The following TMEM132D variants were observed in gnomAD, a reference collection of about 807,000 sequenced individuals.
The protein encoded by TMEM132D is mature OL transmembrane protein.
A neutral mutation model predicts 62.3 loss-of-function variants in TMEM132D; 21 were observed. That is an observed-to-expected ratio of 0.34 (90% CI 0.24 to 0.49). TMEM132D has a LOEUF of 0.49. Ranked by LOEUF, TMEM132D falls within the 20% of genes least tolerant of loss-of-function variation. TMEM132D has a pLI of 0.99. For missense variants in TMEM132D, 1,346 were observed against 1,402.8 expected (o/e 0.96, Z 0.65); for synonymous variants, 621 against 575.6 (o/e 1.08, Z -1.13).
intron 1 of TMEM132D, among the ~76,000 whole-genome samples, chr12:129,732,703 C>G (rs1869289400): frequency 6.6e-6 from 1 of 152,272 alleles, no homozygotes; most frequent in East Asian, 1.9e-4. Context: ...GAACCATGAG[C>G]CAATTAAACC....
intron 2 of TMEM132D, among the ~76,000 whole-genome samples, chr12:129,660,769 T>A (rs567579269): frequency 1.1e-4 from 16 of 152,142 alleles, no homozygotes; most frequent in Middle Eastern, 3.4e-3. Flanking sequence ...GTGCCTGGTA[T>A]TGGGAAGAGG....
chr12:129,648,640 G>A (rs1386093467), intron 2 of TMEM132D, among the ~76,000 whole-genome samples: 4 of 152,138 alleles, frequency 2.6e-5, no homozygotes, highest in African/African-American at 9.7e-5. Flanking sequence ...ATGAATAATT[G>A]TTTCACTCTT....
intron 5 of TMEM132D, among the ~76,000 whole-genome samples, chr12:129,087,661 G>A (rs1874662333): frequency 6.6e-6 from 1 of 152,190 alleles, no homozygotes; most frequent in Admixed American, 6.5e-5. Context: ...AGCCTCTGGA[G>A]GGAGGACAGG....
At chr12:129,699,530 T>C (rs560172537) in intron 2 of TMEM132D, among the ~76,000 whole-genome samples, 1 of 152,320 alleles carries the variant, frequency 6.6e-6, no homozygotes, top group Admixed American at 6.5e-5. Context: ...AACTTGCTGA[T>C]AATACCCTAA....
At chr12:129,673,030 G>A (rs1412666709) in intron 2 of TMEM132D, among the ~76,000 whole-genome samples, 1 of 152,228 alleles carries the variant, frequency 6.6e-6, no homozygotes, top group Non-Finnish European at 1.5e-5. Flanking sequence ...TTACAGGCAT[G>A]AGGCACCACA....
At chr12:129,509,516 T>C (rs1593043468) in intron 3 of TMEM132D, among the ~76,000 whole-genome samples, 1 of 152,184 alleles carries the variant, frequency 6.6e-6, no homozygotes, top group African/African-American at 2.4e-5. Context: ...AATGTACAGA[T>C]AAGTTATTAC....
At chr12:129,424,060 A>AT (rs1225854596) in intron 3 of TMEM132D, among the ~76,000 whole-genome samples, 1 of 152,164 alleles carries the variant, frequency 6.6e-6, no homozygotes, top group Non-Finnish European at 1.5e-5. Context: ...TAAGTACTAC[A>AT]TTTTTTGATA....
At chr12:129,499,587 C>T (rs139734590) in intron 3 of TMEM132D, among the ~76,000 whole-genome samples, 71 of 152,274 alleles carry the variant, frequency 4.7e-4, no homozygotes, top group African/African-American at 1.6e-3. Context: ...AGTGGAGTCC[C>T]AGTGTGAGAT....
intron 2 of TMEM132D, among the ~76,000 whole-genome samples, chr12:129,586,250 TTA>T (rs529400785): frequency 5.6e-4 from 84 of 150,550 alleles, no homozygotes; most frequent in African/African-American, 2.0e-3. Flanking sequence ...GCCTTAGACC[TTA>T]TAGTCACGAC....
intron 1 of TMEM132D, among the ~76,000 whole-genome samples, chr12:129,740,760 C>T (rs1869575732): frequency 6.6e-6 from 1 of 152,012 alleles, no homozygotes. Flanking sequence ...CACTTCAAAA[C>T]CAATCCAGTT....
chr12:129,760,050 GT>G (rs1870301796), intron 1 of TMEM132D, among the ~76,000 whole-genome samples: 1 of 152,068 alleles, frequency 6.6e-6, no homozygotes, highest in Non-Finnish European at 1.5e-5. Context: ...GGCGACAGGT[GT>G]TTGCCATCAC....
rs1874480562 is a variant in TMEM132D at position 129,877,922 on chromosome 12, C to T, written c.79+25339G>A. ...ATTATAGACTGGGGTCAGTTTGTGG[C>T]AATTTTGCCCTGAGAACTGAGACCA... On this transcript the variant is annotated intron_variant, in intron 1 of 8. Coordinates refer to ENST00000422113, the MANE Select transcript of TMEM132D (RefSeq NM_133448.3). 2.0e-5 allele frequency among the ~76,000 whole-genome samples: 3 copies of T among 152,166 alleles called. No homozygotes were observed. In the South Asian group the frequency reaches 6.2e-4, roughly 32 times the overall value.
intron 2 of TMEM132D, among the ~76,000 whole-genome samples, chr12:129,540,739 C>G (rs1876561971): frequency 6.6e-6 from 1 of 152,204 alleles, no homozygotes; most frequent in African/African-American, 2.4e-5. Context: ...CACCTGCCAC[C>G]TTGGCCTCCT....
At chr12:129,183,084 G>A (rs1878112611) in intron 5 of TMEM132D, among the ~76,000 whole-genome samples, 1 of 152,182 alleles carries the variant, frequency 6.6e-6, no homozygotes, top group Non-Finnish European at 1.5e-5. Flanking sequence ...CAGTGTGCAA[G>A]CACTTACCAA....
At chr12:129,821,901 C>A (rs770488897) in intron 1 of TMEM132D, among the ~76,000 whole-genome samples, 1 of 152,154 alleles carries the variant, frequency 6.6e-6, no homozygotes, top group East Asian at 1.9e-4. Flanking sequence ...GAGTGCTGCT[C>A]TTAAGTGGCC....
At chr12:129,192,579 T>G (rs1368409266) in intron 5 of TMEM132D, among the ~76,000 whole-genome samples, 1 of 152,200 alleles carries the variant, frequency 6.6e-6, no homozygotes, top group Non-Finnish European at 1.5e-5. Context: ...TGGATAAATA[T>G]AATCTCAAAT....
intron 1 of TMEM132D, among the ~76,000 whole-genome samples, chr12:129,701,995 G>C (rs569909490): frequency 1.3e-5 from 2 of 152,216 alleles, no homozygotes; most frequent in Non-Finnish European, 2.9e-5. Flanking sequence ...ACTGACCCTC[G>C]TTGTTTCCCA....
intron 5 of TMEM132D, among the ~76,000 whole-genome samples, chr12:129,116,311 A>G (rs1875888171): frequency 6.6e-6 from 1 of 152,240 alleles, no homozygotes; most frequent in Non-Finnish European, 1.5e-5. Context: ...TATTCTTCTC[A>G]GGGAAAGACA....
rs1057366972 is a variant in TMEM132D at position 129,560,855 on chromosome 12, T to C, written c.969-29650A>G. ...GAAGATGAAACTTTCATGTTAGTTCTACTTGTGTCTCCCTGTAAGCCACGC... is the reference window on the plus strand; with the variant it reads ...GAAGATGAAACTTTCATGTTAGTTCCACTTGTGTCTCCCTGTAAGCCACGC... On this transcript the variant is annotated intron_variant, in intron 2 of 8. Transcript: ENST00000422113. 7.9e-5 allele frequency among the ~76,000 whole-genome samples: 12 copies of C among 152,208 alleles called. No homozygotes were observed. In the South Asian group the frequency reaches 1.7e-3, roughly 21 times the overall value.
Sources: allele counts gnomAD v4.1 joint callset (sites outside exome capture counted in the v4.1 genomes callset), GRCh38; gene constraint gnomAD v4.1.1; transcripts MANE v1.5; gene names NCBI Gene and HGNC (gene_info 2026-07-23, HGNC 2026-07-21).